WWOX: variants seen among roughly 807,000 people sequenced by gnomAD.
The protein encoded by WWOX is WW domain containing oxidoreductase.
Under a neutral mutation model 46.2 loss-of-function variants are expected in WWOX, and 69 were observed. The ratio of observed to expected loss-of-function variants is 1.49; its 90% confidence interval spans 1.23 to 1.82. The LOEUF (loss-of-function observed/expected upper bound fraction) is 1.82. Ranked by LOEUF, WWOX falls within the 40% of genes most tolerant of loss-of-function variation. WWOX has a pLI of 0.00. For synonymous variants in WWOX, 359 were observed against 202.6 expected (o/e 1.77, Z -6.56); for missense variants, 919 against 542.6 (o/e 1.69, Z -6.89).
rs543154053 is a variant in WWOX, at chr16:78,108,476, G to T, written c.161G>T (p.Arg54Leu). Residue 54 changes from arginine to leucine, a missense_variant, in exon 2 of 9, where the codon CGA becomes CTA. Coordinates refer to ENST00000566780, the MANE Select transcript of WWOX (RefSeq NM_016373.4). ...WEHPKTGKRKRVAGDLPYGWE... is the reference protein window; with the variant it reads ...WEHPKTGKRKLVAGDLPYGWE... The stretch of plus-strand genomic sequence containing the variant: ...CATCCAAAAACTGGAAAAAGAAAAC[G>T]AGTGGCAGGAGGTTTGTATGTTGTT... 1 of 1,613,654 alleles carries T rather than the reference G, an allele frequency of 6.2e-7. No homozygotes were observed. Among genetic ancestry groups the T allele is most frequent in the Non-Finnish European group, 8.5e-7 (1 of 1,179,768 alleles).
chr16:79,155,347 G>T (rs1404666844), intron 8 of WWOX, among the ~76,000 whole-genome samples: 1 of 152,144 alleles, frequency 6.6e-6, no homozygotes, highest in Non-Finnish European at 1.5e-5. Flanking sequence ...TTGCACTCCA[G>T]CCTGGCGACA....
intron 8 of WWOX, among the ~76,000 whole-genome samples, chr16:79,066,364 A>G (rs1227483717): frequency 6.6e-6 from 1 of 152,164 alleles, no homozygotes; most frequent in Non-Finnish European, 1.5e-5. Flanking sequence ...AGTGGGACAT[A>G]GTAGACTCCA....
chr16:78,753,511 A>G lies in WWOX; in HGVS notation c.1056+320759A>G, dbSNP rs893194836. Among the ~76,000 whole-genome samples the G allele has an allele frequency of 2.6e-5, 4 of 151,866 alleles. No individual in the cohort carries two copies. In the East Asian group the frequency reaches 5.9e-4, roughly 22 times the overall value. On this transcript the variant is annotated intron_variant, in intron 8 of 8. Coordinates refer to ENST00000566780, the MANE Select transcript of WWOX (RefSeq NM_016373.4). ...TTAGTGCATTATAGCCTTCTTAAAT[A>G]AAACTTGCCCAGGTGCAGTGGCTCA... is the stretch of plus-strand genomic sequence containing the variant.
chr16:78,834,719 C>T (rs557062760), intron 8 of WWOX, among the ~76,000 whole-genome samples: 3 of 152,176 alleles, frequency 2.0e-5, no homozygotes, highest in East Asian at 1.9e-4. Context: ...TTTATAGATA[C>T]AGGTACAAAG....
At chr16:78,429,792 TTACTG>T (rs1397586205) in intron 7 of WWOX, among the ~76,000 whole-genome samples, 3 of 152,190 alleles carry the variant, frequency 2.0e-5, no homozygotes, top group Non-Finnish European at 4.4e-5. Context: ...TATGATAGCT[TTACTG>T]TAATGAAAGA....
intron 8 of WWOX, among the ~76,000 whole-genome samples, chr16:78,457,603 A>C (rs908898727): frequency 2.0e-4 from 30 of 152,082 alleles, no homozygotes; most frequent in African/African-American, 7.2e-4. Context: ...TGGGGGCTGC[A>C]GAGGACGCAC....
chr16:78,101,060 T>G (rs569684428), intron 1 of WWOX, among the ~76,000 whole-genome samples: 1 of 151,986 alleles, frequency 6.6e-6, no homozygotes, highest in Admixed American at 6.5e-5. Flanking sequence ...TTTTTTTTTT[T>G]CTTTTGAGAC....
chr16:79,010,859 G>A (rs1027853904), intron 8 of WWOX, among the ~76,000 whole-genome samples: 1 of 152,008 alleles, frequency 6.6e-6, no homozygotes, highest in Non-Finnish European at 1.5e-5. Flanking sequence ...GTGTGGTGAG[G>A]AGTGCGGGAG....
At chr16:79,037,297 G>A (rs116823548) in intron 8 of WWOX, among the ~76,000 whole-genome samples, 1,941 of 152,288 alleles carry the variant, frequency 0.013, 42 homozygotes, top group African/African-American at 0.044. Context: ...CCTGGAAAGT[G>A]CTGGGGCATG....
intron 5 of WWOX, among the ~76,000 whole-genome samples, chr16:78,320,893 G>A (rs562576552): frequency 1.3e-5 from 2 of 152,266 alleles, no homozygotes; most frequent in Admixed American, 6.5e-5. Context: ...ATAGCTTCAT[G>A]TGTTTCTGAA....
chr16:79,027,415 A>G (rs1326462262), intron 8 of WWOX, among the ~76,000 whole-genome samples: 1 of 151,698 alleles, frequency 6.6e-6, no homozygotes, highest in African/African-American at 2.4e-5. Flanking sequence ...CATTTTGTGT[A>G]AGCTATCCTG....
chr16:79,129,142 A>T (rs570132812), intron 8 of WWOX, among the ~76,000 whole-genome samples: 1 of 152,048 alleles, frequency 6.6e-6, no homozygotes, highest in Non-Finnish European at 1.5e-5. Flanking sequence ...TGCCTCCTGT[A>T]TCTCAGTAGG....
Position 78,623,603 on chromosome 16 carries a change from C to A in WWOX, c.1056+190851C>A, listed in dbSNP as rs186647839. Reference sequence around the variant, plus strand: ...GCTGAGGGATGAGAATCACTTGAACCCGAGAGGCAGGGGTTGCAGTGAGTG... The same window carrying A: ...GCTGAGGGATGAGAATCACTTGAACACGAGAGGCAGGGGTTGCAGTGAGTG... On this transcript the variant is annotated intron_variant, in intron 8 of 8. Transcript: ENST00000566780. 2.6e-5 allele frequency among the ~76,000 whole-genome samples: 4 copies of A among 152,008 alleles called. 1 individual carries two copies. In the East Asian group the frequency reaches 7.7e-4, roughly 29 times the overall value.
At chr16:78,291,030 G>A (rs1200937981) in intron 5 of WWOX, among the ~76,000 whole-genome samples, 1 of 152,066 alleles carries the variant, frequency 6.6e-6, no homozygotes, top group African/African-American at 2.4e-5. Flanking sequence ...TTATACTTAG[G>A]CTGGTGTTAG....
intron 8 of WWOX, among the ~76,000 whole-genome samples, chr16:78,796,998 G>T (rs1484293115): frequency 1.3e-5 from 2 of 151,880 alleles, no homozygotes; most frequent in Non-Finnish European, 2.9e-5. Context: ...GCTAATTTTT[G>T]TATTTTTAGT....
chr16:78,150,028 A>G (rs967443683), intron 4 of WWOX, among the ~76,000 whole-genome samples: 1 of 152,176 alleles, frequency 6.6e-6, no homozygotes, highest in Non-Finnish European at 1.5e-5. Flanking sequence ...CACAGACCCC[A>G]TGGTTGAGGG....
chr16:78,192,880 C>A (rs35242440), intron 5 of WWOX, among the ~76,000 whole-genome samples: 1 of 152,224 alleles, frequency 6.6e-6, no homozygotes, highest in South Asian at 2.1e-4. Flanking sequence ...TTTTCTCAGT[C>A]GATTGACAAG....
chr16:78,866,686 T>C (rs2044011196), intron 8 of WWOX, among the ~76,000 whole-genome samples: 1 of 152,234 alleles, frequency 6.6e-6, no homozygotes, highest in African/African-American at 2.4e-5. Flanking sequence ...CTGATTGTTC[T>C]AAGTAAATGG....
At chr16:78,932,677 G>A (rs899950194) in intron 8 of WWOX, among the ~76,000 whole-genome samples, 1 of 152,216 alleles carries the variant, frequency 6.6e-6, no homozygotes, top group Non-Finnish European at 1.5e-5. Flanking sequence ...CCCCATGGGA[G>A]GACCTGGTGG....
Sources: allele counts gnomAD v4.1 joint callset (sites outside exome capture counted in the v4.1 genomes callset), GRCh38; gene constraint gnomAD v4.1.1; transcripts MANE v1.5; gene names NCBI Gene and HGNC (gene_info 2026-07-23, HGNC 2026-07-21).